UBE2E2: variants seen among roughly 807,000 people sequenced by gnomAD.
UBE2E2 encodes ubiquitin conjugating enzyme E2 E2, also known as ubiquitin-conjugating enzyme E2 E2.
In UBE2E2, 6 loss-of-function variants were observed where a neutral mutation model predicts 24.7. The ratio of observed to expected loss-of-function variants is 0.24; its 90% confidence interval spans 0.13 to 0.48. UBE2E2 has a LOEUF of 0.48. Ranked by LOEUF, UBE2E2 falls within the 20% of genes least tolerant of loss-of-function variation. UBE2E2 has a pLI of 0.99. For synonymous variants in UBE2E2, 104 were observed against 83.6 expected, an observed-to-expected ratio of 1.24 and a Z score of -1.33; for missense variants, 169 against 245.0, an observed-to-expected ratio of 0.69 and a Z score of 2.07.
intron 2 of UBE2E2, among the ~76,000 whole-genome samples, chr3:23,211,850 C>A (rs9310715): frequency 1.4e-4 from 21 of 151,990 alleles, no homozygotes; most frequent in Admixed American, 2.6e-4. Context: ...AAACTGATGC[C>A]GTCACTGATA....
At chr3:23,489,802 G>A (rs1699458892) in intron 3 of UBE2E2, among the ~76,000 whole-genome samples, 1 of 152,126 alleles carries the variant, frequency 6.6e-6, no homozygotes, top group Admixed American at 6.6e-5. Context: ...GTGTGACCTT[G>A]AGCAAAGCAC....
chr3:23,445,971 A>G (rs987383808), intron 3 of UBE2E2, among the ~76,000 whole-genome samples: 31 of 152,126 alleles, frequency 2.0e-4, no homozygotes, highest in Admixed American at 1.2e-3. Flanking sequence ...TTATCCGTCA[A>G]TGATAGGTCT....
chr3:23,217,077 T>A (rs1249530806), intron 2 of UBE2E2, among the ~76,000 whole-genome samples, 185 bp from the exon 3 acceptor site: 1 of 152,130 alleles, frequency 6.6e-6, no homozygotes, highest in African/African-American at 2.4e-5. Context: ...ATCCTTTAGA[T>A]GCATCCTCAA....
chr3:23,576,224 A>T (rs1696344325), intron 5 of UBE2E2, among the ~76,000 whole-genome samples: 1 of 152,232 alleles, frequency 6.6e-6, no homozygotes, highest in South Asian at 2.1e-4. Context: ...TAAAAGTATT[A>T]TGAAAGAAAC....
chr3:23,470,527 AT>A (rs1699012198), intron 3 of UBE2E2, among the ~76,000 whole-genome samples: 1 of 152,204 alleles, frequency 6.6e-6, no homozygotes, highest in Admixed American at 6.5e-5. Context: ...GGAAATTGAA[AT>A]TTAAAATATC....
chr3:23,252,477 A>G lies in UBE2E2; in HGVS notation c.227+35165A>G, dbSNP rs150804749. On this transcript the variant is annotated intron_variant, in intron 3 of 5. Coordinates refer to ENST00000396703, the MANE Select transcript of UBE2E2 (RefSeq NM_152653.4). ...ATTAAAATTGGTTTGCCAGTAAAAC[A>G]AAACAAGATTAAAAAAAATTTTTTT... Among the ~76,000 whole-genome samples the G allele has an allele frequency of 4.6e-5, 7 of 152,306 alleles. No individual in the cohort carries two copies. In the East Asian group the frequency reaches 1.3e-3, roughly 29 times the overall value.
At chr3:23,321,203 G>A (rs902719295) in intron 3 of UBE2E2, among the ~76,000 whole-genome samples, 3 of 152,198 alleles carry the variant, frequency 2.0e-5, no homozygotes, top group African/African-American at 4.8e-5. Context: ...CAGTCATACT[G>A]GTTTAGGGTC....
chr3:23,431,440 G>C (rs1339066866), intron 3 of UBE2E2, among the ~76,000 whole-genome samples: 2 of 152,092 alleles, frequency 1.3e-5, no homozygotes, highest in African/African-American at 4.8e-5. Context: ...CCACCAGCCA[G>C]CTTTCCAGTT....
intron 3 of UBE2E2, among the ~76,000 whole-genome samples, chr3:23,350,197 A>G (rs1487828334): frequency 1.3e-5 from 2 of 152,228 alleles, no homozygotes; most frequent in Non-Finnish European, 2.9e-5. Flanking sequence ...AAGGAAAACT[A>G]ACAAACAGAA....
intron 2 of UBE2E2, among the ~76,000 whole-genome samples, chr3:23,210,119 A>G (rs1211059198): frequency 6.6e-6 from 1 of 152,088 alleles, no homozygotes; most frequent in Non-Finnish European, 1.5e-5. Flanking sequence ...GTTAGGATGG[A>G]TGAGAAAGGT....
intron 5 of UBE2E2, among the ~76,000 whole-genome samples, chr3:23,588,779 C>T (rs891258428): frequency 6.6e-6 from 1 of 152,188 alleles, no homozygotes; most frequent in African/African-American, 2.4e-5. Context: ...CCTCCTGTGT[C>T]AGCTCCTTAG....
chr3:23,570,646 T>C (rs1369691200), intron 5 of UBE2E2, among the ~76,000 whole-genome samples: 1 of 152,204 alleles, frequency 6.6e-6, no homozygotes, highest in African/African-American at 2.4e-5. Context: ...TGCCAAACTC[T>C]TTCCTGTGTA....
At chr3:23,445,447 A>G (rs972444121) in intron 3 of UBE2E2, among the ~76,000 whole-genome samples, 1 of 152,188 alleles carries the variant, frequency 6.6e-6, no homozygotes, top group Non-Finnish European at 1.5e-5. Context: ...GAATCAGAGT[A>G]TATCTGTAGC....
At chr3:23,236,841 A>G (rs1195116143) in intron 3 of UBE2E2, among the ~76,000 whole-genome samples, 2 of 152,078 alleles carry the variant, frequency 1.3e-5, no homozygotes, top group Non-Finnish European at 2.9e-5. Flanking sequence ...GTGTGTGCAG[A>G]GGCCAAATAG....
intron 3 of UBE2E2, among the ~76,000 whole-genome samples, chr3:23,264,202 A>G (rs546849716): frequency 1.3e-5 from 2 of 152,300 alleles, no homozygotes; most frequent in African/African-American, 4.8e-5. Flanking sequence ...TTTGCTCCCT[A>G]ATCTCTACAG....
Position 23,220,128 on chromosome 3 carries a change from A to G in UBE2E2, c.227+2816A>G, listed in dbSNP as rs541584113. On this transcript the variant is annotated intron_variant, in intron 3 of 5. Transcript: ENST00000396703. ...GAATCACAGCATTCAGTGTAGATAA[A>G]GTTTTATGTAAGGCATTTTTAGAGG... is the stretch of plus-strand genomic sequence containing the variant. 1.5e-4 allele frequency among the ~76,000 whole-genome samples: 23 copies of G among 152,190 alleles called. 1 individual carries two copies. The highest frequency in any genetic ancestry group is 7.4e-5 in the Non-Finnish European group (5 of 67,986).
intron 3 of UBE2E2, among the ~76,000 whole-genome samples, chr3:23,225,776 G>T (rs1696802153): frequency 6.6e-6 from 1 of 152,124 alleles, no homozygotes. Flanking sequence ...CATTAGGTAA[G>T]GCATTCCCAG....
intron 3 of UBE2E2, among the ~76,000 whole-genome samples, chr3:23,249,399 A>G (rs1340649380): frequency 6.6e-6 from 1 of 152,236 alleles, no homozygotes; most frequent in Non-Finnish European, 1.5e-5. Context: ...ACTGAAAAAT[A>G]CTGGATATAT....
chr3:23,241,285 A>G (rs1697252283), intron 3 of UBE2E2, among the ~76,000 whole-genome samples: 1 of 152,166 alleles, frequency 6.6e-6, no homozygotes, highest in Non-Finnish European at 1.5e-5. Context: ...AGCCGTCTTC[A>G]TATCTTGCTT....
Sources: gnomAD v4.1 joint callset for allele counts (sites outside exome capture counted in the v4.1 genomes callset) on GRCh38, gnomAD v4.1.1 for gene constraint, MANE v1.5 for transcripts, NCBI Gene and HGNC (gene_info 2026-07-23, HGNC 2026-07-21) for gene names.